The following PLEKHA7 variants were observed in gnomAD, a reference collection of about 807,000 sequenced individuals.
PLEKHA7 encodes the protein pleckstrin homology domain containing A7, also known as pleckstrin homology domain-containing family A member 7.
A neutral mutation model predicts 170.0 loss-of-function variants in PLEKHA7; 104 were observed. The observed-to-expected ratio is 0.61, with a 90% CI of 0.52 to 0.72. The LOEUF (loss-of-function observed/expected upper bound fraction) is 0.72. Among genes scored for constraint, PLEKHA7 ranks in the 30% least tolerant of loss-of-function variants. The pLI is 0.00. For synonymous variants in PLEKHA7, 648 were observed against 660.8 expected (o/e 0.98, Z 0.30); for missense variants, 1,615 against 1,671.7 (o/e 0.97, Z 0.59).
intron 3 of PLEKHA7, among the ~76,000 whole-genome samples, chr11:17,003,078 T>C (rs1864775194): frequency 6.7e-6 from 1 of 149,316 alleles, no homozygotes. Context: ...CTGCAACCTC[T>C]GCCTCCCGTT....
chr11:16,804,378 T>C (rs1469313645), intron 13 of PLEKHA7, among the ~76,000 whole-genome samples: 2 of 150,834 alleles, frequency 1.3e-5, no homozygotes, highest in East Asian at 2.0e-4. Context: ...CTCCCCATTC[T>C]ATCTGTAAGG....
At chr11:16,782,166 C>A (rs1324288538) in intron 26 of PLEKHA7, among the ~76,000 whole-genome samples, 1 of 151,838 alleles carries the variant, frequency 6.6e-6, no homozygotes, top group Non-Finnish European at 1.5e-5. Context: ...CACGGACACA[C>A]ACACACCCAC....
intron 3 of PLEKHA7, among the ~76,000 whole-genome samples, chr11:16,926,053 G>C (rs1404093268): frequency 3.3e-5 from 5 of 152,212 alleles, no homozygotes. Flanking sequence ...CAGGAGACCC[G>C]GGTTGCTGTC....
At position 16,795,124 on chromosome 11, in the gene PLEKHA7, T is replaced by C. The variant is rs946044844; in HGVS notation, c.2410-106A>G. ...GAGCCCCCCGCCCTGAGGGGCAGCA[T>C]CCCCTCTGGAAACCCCACTAGTGCT... On this transcript the variant is annotated intron_variant, in intron 17 of 26. Transcript: ENST00000531066. The C allele has an allele frequency of 3.2e-5, 26 of 805,602 alleles. No individual in the cohort carries two copies. The Admixed American group carries it at 3.3e-4, about 10-fold the overall frequency. 49.9% of individuals were successfully genotyped at this position (805,602 alleles called of 1,614,324 possible).
intron 3 of PLEKHA7, among the ~76,000 whole-genome samples, chr11:16,923,836 C>T (rs1412821641): frequency 6.6e-6 from 1 of 152,216 alleles, no homozygotes; most frequent in Non-Finnish European, 1.5e-5. Flanking sequence ...GCTCATCTTC[C>T]TCATCGCACT....
chr11:16,906,709 C>G (rs1380701143), intron 3 of PLEKHA7, among the ~76,000 whole-genome samples: 4 of 140,982 alleles, frequency 2.8e-5, no homozygotes, highest in Non-Finnish European at 5.9e-5. Context: ...CCTTGGCCCC[C>G]CAAAGTGCCG....
chr11:16,937,606 T>C (rs945710666), intron 3 of PLEKHA7, among the ~76,000 whole-genome samples: 9 of 151,966 alleles, frequency 5.9e-5, no homozygotes, highest in African/African-American at 2.2e-4. Flanking sequence ...ACTAGGATGT[T>C]TTTCTTTTCT....
intron 3 of PLEKHA7, among the ~76,000 whole-genome samples, chr11:16,957,697 CTTTTTTTTTTTTT>C (rs1169142909): frequency 1.1e-5 from 1 of 87,296 alleles, no homozygotes; most frequent in Non-Finnish European, 2.0e-5. Context: ...TAATTTTTTT[CTTTTTTTTTTTTT>C]TTTTTTTTTT....
chr11:16,963,524 T>G (rs1048233670), intron 3 of PLEKHA7, among the ~76,000 whole-genome samples: 15 of 152,140 alleles, frequency 9.9e-5, no homozygotes, highest in African/African-American at 3.4e-4. Context: ...GGGAGGTGTG[T>G]CATCCATCCT....
At chr11:16,879,194 T>G (rs931823134) in intron 3 of PLEKHA7, among the ~76,000 whole-genome samples, 2 of 152,216 alleles carry the variant, frequency 1.3e-5, no homozygotes, top group African/African-American at 4.8e-5. Context: ...TGCTCTCTGC[T>G]TATTTCATGT....
chr11:16,995,846 C>T (rs906881933), intron 3 of PLEKHA7, among the ~76,000 whole-genome samples: 1 of 152,122 alleles, frequency 6.6e-6, no homozygotes, highest in African/African-American at 2.4e-5. Flanking sequence ...AATTAGGATG[C>T]AGGTGTGGTT....
intron 13 of PLEKHA7, among the ~76,000 whole-genome samples, chr11:16,810,325 C>T (rs897354003): frequency 6.6e-6 from 1 of 152,210 alleles, no homozygotes. Context: ...ACCCTAAACC[C>T]AAGCTGAGTC....
At chr11:16,831,043 T>A (rs1473453688) in intron 9 of PLEKHA7, among the ~76,000 whole-genome samples, 3 of 152,154 alleles carry the variant, frequency 2.0e-5, no homozygotes, top group Non-Finnish European at 4.4e-5. Context: ...AAACAAAGCT[T>A]TAGAGGGTGG....
At chr11:16,818,574 A>G (rs1849955609) in intron 10 of PLEKHA7, among the ~76,000 whole-genome samples, 1 of 152,150 alleles carries the variant, frequency 6.6e-6, no homozygotes, top group African/African-American at 2.4e-5. Context: ...TAACTTTTCC[A>G]AGGTCCTATA....
intron 23 of PLEKHA7, chr11:16,786,615 G>A (rs1007253239): frequency 1.0e-6 from 1 of 985,260 alleles, no homozygotes; most frequent in Non-Finnish European, 1.2e-6. Context: ...ACACCCTTGG[G>A]GCACAGGTCT....
chr11:16,790,034 T>A (rs923180252), intron 21 of PLEKHA7, 156 bp from the exon 22 acceptor site: 4 of 699,390 alleles, frequency 5.7e-6, no homozygotes, highest in African/African-American at 5.3e-5. Flanking sequence ...AGGAGCAAGG[T>A]CCCCAATAGA....
intron 3 of PLEKHA7, among the ~76,000 whole-genome samples, chr11:16,997,566 C>T (rs1590816085): frequency 6.6e-6 from 1 of 152,130 alleles, no homozygotes; most frequent in East Asian, 1.9e-4. Flanking sequence ...ACCTGGCACT[C>T]GATGGGCAGG....
intron 26 of PLEKHA7, chr11:16,781,137 G>A: frequency 2.0e-6 from 1 of 488,432 alleles, no homozygotes; most frequent in Non-Finnish European, 2.7e-6. Flanking sequence ...GGCAGGCTGG[G>A]GTGGCATGGG....
At chr11:16,899,646 C>G (rs1398555549) in intron 3 of PLEKHA7, among the ~76,000 whole-genome samples, 1 of 152,118 alleles carries the variant, frequency 6.6e-6, no homozygotes, top group Non-Finnish European at 1.5e-5. Flanking sequence ...ACAAGAAAAG[C>G]AGACTGGGAA....
Sources: gnomAD v4.1 joint callset for allele counts (sites outside exome capture counted in the v4.1 genomes callset) on GRCh38, gnomAD v4.1.1 for gene constraint, MANE v1.5 for transcripts, NCBI Gene and HGNC (gene_info 2026-07-23, HGNC 2026-07-21) for gene names.